VXN: variants seen among roughly 807,000 people sequenced by gnomAD.
The protein encoded by VXN is uncharacterized protein C8orf46.
A neutral mutation model predicts 23.1 loss-of-function variants in VXN; 7 were observed. The ratio of observed to expected loss-of-function variants is 0.30; its 90% CI spans 0.17 to 0.57. The LOEUF (loss-of-function observed/expected upper bound fraction) is 0.57. Among genes scored for constraint, VXN ranks in the 20% least tolerant of loss-of-function variants. The pLI, the probability that VXN is intolerant of heterozygous loss-of-function variation, is 0.91. For synonymous variants in VXN, 120 were observed against 105.8 expected (o/e 1.13, Z -0.83); for missense variants, 238 against 272.6 (o/e 0.87, Z 0.89).
At chr8:66,496,577 G>T in intron 2 of VXN, 85 bp downstream of exon 2, 2 of 1,244,698 alleles carry the variant, frequency 1.6e-6, no homozygotes, top group Non-Finnish European at 1.2e-6. Flanking sequence ...TCGCTCCCCA[G>T]CTCTCAGTGG....
intron 2 of VXN, among the ~76,000 whole-genome samples, chr8:66,502,561 A>G (rs1172565101): frequency 6.6e-6 from 1 of 152,092 alleles, no homozygotes; most frequent in Non-Finnish European, 1.5e-5. Flanking sequence ...AGCCTGACCA[A>G]TATGGTGAAA....
intron 4 of VXN, among the ~76,000 whole-genome samples, chr8:66,510,587 G>T (rs1377669030): frequency 6.6e-6 from 1 of 152,162 alleles, no homozygotes; most frequent in Non-Finnish European, 1.5e-5. Context: ...GTTAGCACAG[G>T]CTGCTGTAAG....
In VXN at chr8:66,493,580, T is replaced by A. The variant is rs187163270; in HGVS notation, c.-69T>A. 1 of 1,315,396 alleles carries A rather than the reference T, an allele frequency of 7.6e-7. No individual in the cohort carries two copies. The highest frequency in any genetic ancestry group is 2.3e-5 in the East Asian group (1 of 43,556). 81.5% of individuals were successfully genotyped at this position (1,315,396 alleles called of 1,614,324 possible). ...ATCCCTGAGCCAGACTGGATTAGGA[T>A]GCCTCGCGACTAGGGGTCCAGAGAC... On this transcript the variant is annotated 5_prime_UTR_variant, in exon 1 of 6. An upstream start codon of the reference 5' UTR is lost. Coordinates refer to ENST00000305454, the MANE Select transcript of VXN (RefSeq NM_152765.4).
rs1308252236 is a variant in VXN, at chr8:66,510,081, T to A, written c.281-15T>A. ...GAGTACCACTGAGTAATATCTCCTC[T>A]GTTCAACATTGCAGTGGGGATTTCT... On this transcript the variant is annotated splice_polypyrimidine_tract_variant and intron_variant, in intron 3 of 5. Transcript: ENST00000305454. 1 of 1,611,886 alleles carries A rather than the reference T, an allele frequency of 6.2e-7. No homozygotes were observed. Among genetic ancestry groups the A allele is most frequent in the Non-Finnish European group, 8.5e-7 (1 of 1,177,912 alleles).
chr8:66,512,613 G>A (rs958427170), intron 4 of VXN, among the ~76,000 whole-genome samples: 2 of 152,154 alleles, frequency 1.3e-5, no homozygotes, highest in African/African-American at 4.8e-5. Context: ...ACTCCTTTGG[G>A]AGGGCTGAGG....
chr8:66,497,726 T>G (rs1216710797), intron 2 of VXN, among the ~76,000 whole-genome samples: 1 of 152,166 alleles, frequency 6.6e-6, no homozygotes, highest in Non-Finnish European at 1.5e-5. Flanking sequence ...AAGCCTATTC[T>G]CCATTAAAAA....
chr8:66,500,177 C>A (rs1297270330), intron 2 of VXN, among the ~76,000 whole-genome samples: 1 of 152,100 alleles, frequency 6.6e-6, no homozygotes, highest in Non-Finnish European at 1.5e-5. Flanking sequence ...TAAACAATGC[C>A]ACAACAAATT....
At chr8:66,499,221 GTTTTTTTTT>G (rs759637693) in intron 2 of VXN, among the ~76,000 whole-genome samples, 1 of 109,668 alleles carries the variant, frequency 9.1e-6, no homozygotes, top group African/African-American at 3.8e-5. Context: ...TATTGGGTTG[GTTTTTTTTT>G]TTTTTTTTTT....
At chr8:66,501,033 C>T (rs1326933324) in intron 2 of VXN, among the ~76,000 whole-genome samples, 1 of 151,934 alleles carries the variant, frequency 6.6e-6, no homozygotes, top group African/African-American at 2.4e-5. Flanking sequence ...CCATCAGGCC[C>T]AGCTAATTTT....
intron 2 of VXN, among the ~76,000 whole-genome samples, chr8:66,502,752 A>G (rs1489097736): frequency 6.6e-6 from 1 of 152,168 alleles, no homozygotes; most frequent in Non-Finnish European, 1.5e-5. Flanking sequence ...CCGTCTCAAA[A>G]TAAACAAAAA....
rs1807909247 is a variant in VXN at position 66,517,324 on chromosome 8, T to C, written c.*1248T>C. The C allele has an allele frequency of 6.6e-6, 1 of 152,230 alleles. No individual in the cohort carries two copies. Among genetic ancestry groups the C allele is most frequent in the Non-Finnish European group, 1.5e-5 (1 of 68,040 alleles). The allele number at this position is 152,230 out of a possible 1,614,324, so 9.4% of individuals were successfully genotyped here. The stretch of plus-strand genomic sequence containing the variant: ...CAGGCATGATACTAGGCAATTTATA[T>C]ATATCATCCTAATCTTTCTAAAAAC... On this transcript the variant is annotated 3_prime_UTR_variant, in exon 6 of 6. Coordinates refer to ENST00000305454, the MANE Select transcript of VXN (RefSeq NM_152765.4).
intron 5 of VXN, 30 bp from the exon 6 acceptor site, chr8:66,515,863 C>G (rs534927205): frequency 1.4e-5 from 22 of 1,518,002 alleles, no homozygotes; most frequent in Non-Finnish European, 1.9e-5. Context: ...AGCAGACCAC[C>G]CTCCCCACCC....
At position 66,512,065 on chromosome 8, in the gene VXN, CAAAAAAA is replaced by C. The variant is rs35689084; in HGVS notation, c.343-1463_343-1457del. Among the ~76,000 whole-genome samples, 36 of 68,338 alleles carry C rather than the reference CAAAAAAA, an allele frequency of 5.3e-4. No homozygotes were observed. In the South Asian group the frequency reaches 0.016, roughly 30 times the overall value. 44.8% of individuals were successfully genotyped at this position (68,338 alleles called of 152,430 possible). ...GGGAAACAAGAGTGAAACTCAGTTT[CAAAAAAA>C]AAAAAAAAAAAGAATGAAGAGGAAG... On this transcript the variant is annotated intron_variant, in intron 4 of 5. Coordinates refer to ENST00000305454, the MANE Select transcript of VXN (RefSeq NM_152765.4).
intron 5 of VXN, among the ~76,000 whole-genome samples, chr8:66,515,430 T>C (rs1807876360): frequency 6.6e-6 from 1 of 152,226 alleles, no homozygotes; most frequent in African/African-American, 2.4e-5. Flanking sequence ...GATGAGATTA[T>C]CCCCATTTTG....
intron 5 of VXN, among the ~76,000 whole-genome samples, chr8:66,515,009 T>C (rs1301606928): frequency 6.6e-6 from 1 of 152,218 alleles, no homozygotes; most frequent in Non-Finnish European, 1.5e-5. Context: ...TATGGGGACT[T>C]AATTGAAGAA....
At chr8:66,505,842 C>T (rs551486757) in intron 3 of VXN, among the ~76,000 whole-genome samples, 1 of 152,206 alleles carries the variant, frequency 6.6e-6, no homozygotes, top group South Asian at 2.1e-4. Flanking sequence ...ACTGTGTTAC[C>T]TAGGCTGGAG....
chr8:66,494,927 A>T (rs966489251), intron 1 of VXN: 1 of 152,202 alleles, frequency 6.6e-6, no homozygotes, highest in Non-Finnish European at 1.5e-5. Context: ...ATACTATACA[A>T]TGTCAACAGG....
intron 3 of VXN, among the ~76,000 whole-genome samples, chr8:66,507,039 AC>A (rs1222263931): frequency 2.6e-5 from 4 of 152,192 alleles, no homozygotes; most frequent in Admixed American, 2.6e-4. Flanking sequence ...CAAAAGAATC[AC>A]CTAGGAATCT....
At chr8:66,502,331 C>T (rs1030786671) in intron 2 of VXN, among the ~76,000 whole-genome samples, 1 of 152,082 alleles carries the variant, frequency 6.6e-6, no homozygotes, top group African/African-American at 2.4e-5. Flanking sequence ...ATTCGTGGCC[C>T]CTTCAGAATA....
Sources: gnomAD v4.1 joint callset for allele counts (sites outside exome capture counted in the v4.1 genomes callset) on GRCh38, gnomAD v4.1.1 for gene constraint, MANE v1.5 for transcripts, NCBI Gene and HGNC (gene_info 2026-07-23, HGNC 2026-07-21) for gene names.